Variants in PARVA observed in about 807,000 individuals in gnomAD.
The protein encoded by PARVA is parvin alpha, also known as alpha-parvin.
PARVA carries 25 observed loss-of-function variants against 52.6 expected under a neutral mutation model. That is an observed-to-expected ratio of 0.48 (90% CI 0.35 to 0.66). PARVA has a LOEUF of 0.66. Ranked by LOEUF, PARVA falls within the 30% of genes least tolerant of loss-of-function variation. The pLI is 0.01. For missense variants in PARVA, 373 were observed against 450.9 expected, an observed-to-expected ratio of 0.83 and a Z score of 1.56; for synonymous variants, 185 against 179.1, an observed-to-expected ratio of 1.03 and a Z score of -0.26.
chr11:12,483,732 C>G (rs986187052), intron 4 of PARVA, among the ~76,000 whole-genome samples: 3 of 152,226 alleles, frequency 2.0e-5, no homozygotes, highest in Admixed American at 6.5e-5. Flanking sequence ...ACCACAGAGA[C>G]AGCAACCCCG....
chr11:12,428,523 A>G (rs1940270244), intron 1 of PARVA, among the ~76,000 whole-genome samples: 1 of 152,208 alleles, frequency 6.6e-6, no homozygotes, highest in Admixed American at 6.5e-5. Context: ...ATGTTCACAG[A>G]TACCGCTGTA....
At chr11:12,486,514 C>G (rs950939010) in intron 4 of PARVA, among the ~76,000 whole-genome samples, 1 of 151,814 alleles carries the variant, frequency 6.6e-6, no homozygotes, top group African/African-American at 2.4e-5. Flanking sequence ...GCGTGCACAA[C>G]AAGAGCGAAA....
At chr11:12,512,987 G>A (rs973742122) in intron 8 of PARVA, among the ~76,000 whole-genome samples, 6 of 152,130 alleles carry the variant, frequency 3.9e-5, no homozygotes, top group Admixed American at 2.0e-4. Flanking sequence ...CAATAGCTAC[G>A]TTAGGATATA....
At chr11:12,419,088 G>T (rs865930318) in intron 1 of PARVA, among the ~76,000 whole-genome samples, 8 of 152,120 alleles carry the variant, frequency 5.3e-5, no homozygotes, top group African/African-American at 1.9e-4. Flanking sequence ...AAATTTTTTG[G>T]TTTTAAAAAA....
intron 7 of PARVA, among the ~76,000 whole-genome samples, chr11:12,509,589 A>G (rs2135073845): frequency 6.6e-6 from 1 of 152,328 alleles, no homozygotes; most frequent in Middle Eastern, 3.4e-3. Flanking sequence ...AGTCTGGGGC[A>G]CTGCCCGTCT....
At chr11:12,428,351 A>G (rs1940267738) in intron 1 of PARVA, among the ~76,000 whole-genome samples, 1 of 152,222 alleles carries the variant, frequency 6.6e-6, no homozygotes, top group Non-Finnish European at 1.5e-5. Context: ...AGGAAAGAAG[A>G]GAAGACACAG....
intron 1 of PARVA, among the ~76,000 whole-genome samples, chr11:12,388,098 C>A (rs1273066455): frequency 6.6e-6 from 1 of 152,206 alleles, no homozygotes; most frequent in East Asian, 1.9e-4. Context: ...GAGCCACTAT[C>A]ATTCCTCCTC....
At chr11:12,488,800 C>T (rs1256379007) in intron 4 of PARVA, among the ~76,000 whole-genome samples, 1 of 152,162 alleles carries the variant, frequency 6.6e-6, no homozygotes, top group Admixed American at 6.5e-5. Context: ...ATTTTAGTTA[C>T]AAGTTGTCCC....
At chr11:12,429,658 T>C (rs1348759901) in intron 1 of PARVA, among the ~76,000 whole-genome samples, 1 of 152,206 alleles carries the variant, frequency 6.6e-6, no homozygotes, top group Non-Finnish European at 1.5e-5. Context: ...CCAATAAATT[T>C]ATTGTCATTA....
intron 1 of PARVA, among the ~76,000 whole-genome samples, chr11:12,395,115 A>G (rs892670459): frequency 6.6e-6 from 1 of 151,440 alleles, no homozygotes; most frequent in East Asian, 1.9e-4. Context: ...AAAAGAAAGA[A>G]GAGGCCCTAT....
chr11:12,397,996 C>T (rs999015838), intron 1 of PARVA, among the ~76,000 whole-genome samples: 1 of 152,064 alleles, frequency 6.6e-6, no homozygotes, highest in African/African-American at 2.4e-5. Flanking sequence ...GGCCTCTCTG[C>T]CCCCTTGAAT....
chr11:12,385,811 C>T (rs1288052567), intron 1 of PARVA, among the ~76,000 whole-genome samples: 3 of 152,240 alleles, frequency 2.0e-5, no homozygotes, highest in South Asian at 2.1e-4. Context: ...GAAGCATGTA[C>T]GTGTACATGA....
rs1032979119 is a variant in PARVA, at chr11:12,528,283, T to A, written c.*358T>A. ...TACCATTCAAAGGATGCTAACTGTG[T>A]GTCAGGCCCCACACTAAGTGCTCTG... On this transcript the variant is annotated 3_prime_UTR_variant, in exon 13 of 13. Transcript: ENST00000334956. 8 of 292,598 alleles carry A rather than the reference T, an allele frequency of 2.7e-5. No individual in the cohort carries two copies. The South Asian group carries it at 4.5e-4, about 16-fold the overall frequency. 18.1% of individuals were successfully genotyped at this position (292,598 alleles called of 1,614,324 possible). A position where few individuals can be genotyped will look rare whatever the true frequency, so the allele number is the denominator to read the frequency against.
Position 12,528,875 on chromosome 11 carries a change from G to C in PARVA, c.*950G>C, listed in dbSNP as rs1171749464. ...TGACATTTGGGAAGGATTTTGTTTAGAATTAATGGAGTGGCACATTTTGCA... is the reference window on the plus strand; with the variant it reads ...TGACATTTGGGAAGGATTTTGTTTACAATTAATGGAGTGGCACATTTTGCA... On this transcript the variant is annotated 3_prime_UTR_variant, in exon 13 of 13. Transcript: ENST00000334956. 2.0e-5 allele frequency: 3 copies of C among 152,636 alleles called. No homozygotes were observed. The allele number at this position is 152,636 out of a possible 1,614,324, so 9.5% of individuals were successfully genotyped here.
chr11:12,424,009 T>C (rs1428979906), intron 1 of PARVA, among the ~76,000 whole-genome samples: 3 of 152,228 alleles, frequency 2.0e-5, no homozygotes, highest in Non-Finnish European at 1.5e-5. Context: ...TAATTGTTAT[T>C]ATGTTAATCT....
Position 12,528,036 on chromosome 11 carries a change from A to ACAAGT in PARVA, c.*113_*117dup. On this transcript the variant is annotated 3_prime_UTR_variant, in exon 13 of 13. Transcript: ENST00000334956. ...CCTGTCTCTTGCACTGTGCTCTCCC[A>ACAAGT]CAAGTCCAGCTGCAACCCAGAGATA... 1.3e-6 allele frequency: 1 copy of ACAAGT among 788,470 alleles called. No homozygotes were observed. The highest frequency in any genetic ancestry group is 2.3e-6 in the Non-Finnish European group (1 of 441,662). The allele number at this position is 788,470 out of a possible 1,614,324, so 48.8% of individuals were successfully genotyped here.
intron 1 of PARVA, chr11:12,398,326 G>A (rs1411139216): frequency 6.6e-6 from 1 of 151,896 alleles, no homozygotes; most frequent in Non-Finnish European, 1.5e-5. Flanking sequence ...ACCAGCTGCT[G>A]TTTGCTGGCC....
chr11:12,496,513 T>G lies in PARVA; in HGVS notation c.456T>G (p.Ala152=). ...NVAEVTQSEI[A]QKQKLQTVLE... Reference sequence around the variant, plus strand: ...CTGAGGTCACCCAGTCAGAGATTGCTCAGAAGCAAAAACTGCAGACTGTCC... The same window carrying G: ...CTGAGGTCACCCAGTCAGAGATTGCGCAGAAGCAAAAACTGCAGACTGTCC... Residue 152 remains alanine, a synonymous_variant, in exon 5 of 13, where the codon GCT becomes GCG. Transcript: ENST00000334956. 6.2e-7 allele frequency: 1 copy of G among 1,609,804 alleles called. No homozygotes were observed. The highest frequency in any genetic ancestry group is 8.5e-7 in the Non-Finnish European group (1 of 1,178,112).
intron 4 of PARVA, among the ~76,000 whole-genome samples, chr11:12,482,129 C>T (rs1178898609): frequency 1.4e-5 from 2 of 146,486 alleles, no homozygotes; most frequent in East Asian, 4.1e-4. Context: ...GCACTCCAGC[C>T]TGGGCAGCAA....
Sources: allele counts gnomAD v4.1 joint callset (sites outside exome capture counted in the v4.1 genomes callset), GRCh38; gene constraint gnomAD v4.1.1; transcripts MANE v1.5; gene names NCBI Gene and HGNC (gene_info 2026-07-23, HGNC 2026-07-21).